The following FBXL13 variants were observed in gnomAD, a reference collection of about 807,000 sequenced individuals.
FBXL13 encodes F-box and leucine rich repeat protein 13.
FBXL13 carries 67 observed loss-of-function variants against 83.6 expected under a neutral mutation model. The ratio of observed to expected loss-of-function variants is 0.80; its 90% CI spans 0.66 to 0.98. FBXL13 has a LOEUF of 0.98. Among genes scored for constraint, FBXL13 ranks in the 50% least tolerant of loss-of-function variants. The probability of loss-of-function intolerance (pLI) is 0.00; values close to 1 mark genes in which losing one functional copy is unlikely to be tolerated. For missense variants in FBXL13, 822 were observed against 866.5 expected (o/e 0.95, Z 0.64); for synonymous variants, 272 against 299.5 (o/e 0.91, Z 0.95).
intron 9 of FBXL13, among the ~76,000 whole-genome samples, chr7:102,928,815 G>A (rs757554919): frequency 2.0e-5 from 3 of 152,180 alleles, no homozygotes; most frequent in Non-Finnish European, 2.9e-5. Flanking sequence ...GGAGAATGTA[G>A]TAGTCAAGAT....
rs773588752 is a variant in FBXL13 at position 102,884,260 on chromosome 7, T to C, written c.1061A>G (p.His354Arg). Residue 354 changes from histidine (H) to arginine (R), a missense_variant, in exon 12 of 20, where the codon CAT becomes CGT. Coordinates refer to ENST00000313221, the Ensembl canonical transcript of FBXL13. ...AGTTGGCATGTCATTAATGGTAAGA[T>C]GCATAATTCCAGTGCAGCTGTTTGC... The C allele has an allele frequency of 2.2e-5, 35 of 1,613,768 alleles. No homozygotes were observed. The highest frequency in any genetic ancestry group is 2.8e-5 in the Non-Finnish European group (33 of 1,179,828).
intron 8 of FBXL13, among the ~76,000 whole-genome samples, chr7:102,956,707 T>C (rs544196740): frequency 6.6e-6 from 1 of 152,294 alleles, no homozygotes; most frequent in East Asian, 1.9e-4. Context: ...AAAATCAATG[T>C]GCAAAAATCA....
intron 3 of FBXL13, among the ~76,000 whole-genome samples, 157 bp downstream of exon 4, chr7:103,029,194 C>A (rs1794252329): frequency 6.6e-6 from 1 of 151,698 alleles, no homozygotes. Context: ...TAAGTAAAAG[C>A]TGATTAAATA....
intron 6 of FBXL13, among the ~76,000 whole-genome samples, chr7:102,980,112 A>C (rs1222800505): frequency 6.6e-6 from 1 of 152,242 alleles, no homozygotes; most frequent in Non-Finnish European, 1.5e-5. Context: ...AAAATGAAAA[A>C]TCTGACCCTC....
At chr7:102,836,276 T>C (rs150829124) in intron 17 of FBXL13, among the ~76,000 whole-genome samples, 2 of 152,292 alleles carry the variant, frequency 1.3e-5, no homozygotes, top group African/African-American at 4.8e-5. Flanking sequence ...GGCACAAAAA[T>C]TGGTCTAAGG....
At chr7:102,831,431 ACC>A (rs56834945) in intron 18 of FBXL13, among the ~76,000 whole-genome samples, 3 of 147,126 alleles carry the variant, frequency 2.0e-5, no homozygotes, top group South Asian at 2.2e-4. Flanking sequence ...ACACACACAC[ACC>A]CCACTACAGA....
At chr7:103,027,487 T>G (rs1353069046) in exon 5 of FBXL13, 2 of 1,613,410 alleles carry the variant, frequency 1.2e-6, no homozygotes, top group Non-Finnish European at 1.7e-6. Context: ...TGTCTTGCTG[T>G]ATTCCGCCAT....
intron 17 of FBXL13, among the ~76,000 whole-genome samples, chr7:102,833,537 ATCTTGTGCC>A (rs965295223): frequency 6.8e-6 from 1 of 146,690 alleles, no homozygotes; most frequent in Non-Finnish European, 1.5e-5. Context: ...GGTTCAAGTG[ATCTTGTGCC>A]TCTTGTGCCT....
intron 11 of FBXL13, among the ~76,000 whole-genome samples, chr7:102,891,584 T>C (rs1013861743): frequency 6.6e-6 from 1 of 152,220 alleles, no homozygotes; most frequent in Non-Finnish European, 1.5e-5. Context: ...TTAGAATTAG[T>C]AGTTTCAACG....
intron 8 of FBXL13, among the ~76,000 whole-genome samples, chr7:102,947,394 A>T (rs906692024): frequency 2.0e-5 from 3 of 152,222 alleles, no homozygotes; most frequent in African/African-American, 7.2e-5. Flanking sequence ...CCAGGGATGT[A>T]TTTGGAAATA....
intron 16 of FBXL13, among the ~76,000 whole-genome samples, chr7:102,867,387 AAAG>A (rs1204067585): frequency 6.6e-6 from 1 of 152,042 alleles, no homozygotes; most frequent in Non-Finnish European, 1.5e-5. Flanking sequence ...AAACAAAAAA[AAAG>A]AAGAATTTAC....
Position 102,995,782 on chromosome 7 carries a change from T to TATAA in FBXL13, c.496-27666_496-27665insTTAT, listed in dbSNP as rs1563198615. Among the ~76,000 whole-genome samples the TATAA allele has an allele frequency of 2.5e-4, 8 of 32,174 alleles. No individual in the cohort carries two copies. In the Admixed American group the frequency reaches 2.7e-3, roughly 11 times the overall value. 21.1% of individuals were successfully genotyped at this position (32,174 alleles called of 152,430 possible). The stretch of plus-strand genomic sequence containing the variant: ...AGCCTGGTGACAGAGCAAGACTCTG[T>TATAA]CTAAATAAATAAATAAATAAATAAA... On this transcript the variant is annotated intron_variant, in intron 6 of 19. Coordinates refer to ENST00000313221, the Ensembl canonical transcript of FBXL13.
At chr7:102,877,563 T>C in exon 16 of FBXL13, 1 of 1,610,634 alleles carries the variant, frequency 6.2e-7, no homozygotes, top group Non-Finnish European at 8.5e-7. Flanking sequence ...GTTCACAATT[T>C]CGTAAACTCA....
intron 2 of FBXL13, chr7:103,046,891 G>T (rs1319461045): frequency 6.6e-6 from 1 of 152,186 alleles, no homozygotes; most frequent in African/African-American, 2.4e-5. Flanking sequence ...AAAGTTCAAG[G>T]TTCCAAAGTT....
chr7:103,023,910 G>GA, intron 6 of FBXL13, among the ~76,000 whole-genome samples: 1 of 152,146 alleles, frequency 6.6e-6, no homozygotes, highest in South Asian at 2.1e-4. Context: ...ACTTACAAGT[G>GA]GAAGCTAAAC....
intron 17 of FBXL13, among the ~76,000 whole-genome samples, chr7:102,852,397 C>A (rs535780944): frequency 4.6e-5 from 7 of 152,152 alleles, no homozygotes; most frequent in Admixed American, 2.0e-4. Context: ...AGTAAACAGA[C>A]AATGCACAGA....
intron 6 of FBXL13, among the ~76,000 whole-genome samples, chr7:103,017,032 G>C (rs1792434103): frequency 6.6e-6 from 1 of 152,222 alleles, no homozygotes; most frequent in South Asian, 2.1e-4. Context: ...GCCTCGTCAA[G>C]TGGGTCCCTG....
intron 1 of FBXL13, among the ~76,000 whole-genome samples, chr7:103,065,611 G>A (rs1426886289): frequency 2.0e-5 from 3 of 152,210 alleles, no homozygotes; most frequent in Non-Finnish European, 4.4e-5. Flanking sequence ...AGTAAAAAGA[G>A]AGTAACTACT....
chr7:102,883,590 T>C (rs760842932), exon 13 of FBXL13: 37 of 1,610,154 alleles, frequency 2.3e-5, no homozygotes, highest in Admixed American at 3.3e-5. Context: ...TCTTTCTGAG[T>C]TTACAAGCAG....
Sources: allele counts gnomAD v4.1 joint callset (sites outside exome capture counted in the v4.1 genomes callset), GRCh38; gene constraint gnomAD v4.1.1; transcripts MANE v1.5; gene names NCBI Gene and HGNC (gene_info 2026-07-23, HGNC 2026-07-21).